RPS6KC1: variants seen among roughly 807,000 people sequenced by gnomAD.
RPS6KC1 encodes inactive ribosomal protein S6 kinase delta-1.
Under a neutral mutation model 103.8 loss-of-function variants are expected in RPS6KC1, and 54 were observed. That is an observed-to-expected ratio of 0.52 (90% CI 0.42 to 0.65). RPS6KC1 has a LOEUF of 0.65. RPS6KC1 is among the 30% of genes least tolerant of loss of function. RPS6KC1 has a pLI of 0.00. For missense variants in RPS6KC1, 1,151 were observed against 1,253.8 expected (o/e 0.92, Z 1.24); for synonymous variants, 439 against 438.7 (o/e 1.00, Z -0.01).
chr1:213,601,239 G>T, the RPS6KC1 span, among the ~76,000 whole-genome samples: 1 of 151,022 alleles, frequency 6.6e-6, no homozygotes, highest in African/African-American at 2.4e-5. Flanking sequence ...GTGTGGGTGT[G>T]AATATATATA....
chr1:213,332,675 G>C, the RPS6KC1 span, among the ~76,000 whole-genome samples: 1 of 152,168 alleles, frequency 6.6e-6, no homozygotes, highest in Admixed American at 6.5e-5. Context: ...CAGCTGGGTC[G>C]TGGGTTCCTT....
At chr1:213,207,235 G>T (rs1012878184) in intron 8 of RPS6KC1, among the ~76,000 whole-genome samples, 7 of 152,184 alleles carry the variant, frequency 4.6e-5, no homozygotes, top group Non-Finnish European at 8.8e-5. Flanking sequence ...GTCCATTTGT[G>T]GGGGAGATTT....
At chr1:213,651,364 G>A in the RPS6KC1 span, among the ~76,000 whole-genome samples, 4 of 152,124 alleles carry the variant, frequency 2.6e-5, no homozygotes, top group East Asian at 1.9e-4. Flanking sequence ...GGAGAGCCAC[G>A]GTGAATACAA....
chr1:213,126,109 ATTTG>A (rs576600275), intron 5 of RPS6KC1, among the ~76,000 whole-genome samples: 83 of 152,170 alleles, frequency 5.5e-4, no homozygotes, highest in East Asian at 2.9e-3. Context: ...AACCTTATCT[ATTTG>A]TTTATCAGTT....
intron 12 of RPS6KC1, among the ~76,000 whole-genome samples, chr1:213,256,901 T>C (rs1443698453): frequency 6.6e-6 from 1 of 152,208 alleles, no homozygotes; most frequent in Non-Finnish European, 1.5e-5. Flanking sequence ...TTTTTCTGCT[T>C]ATGTACTTGA....
the RPS6KC1 span, among the ~76,000 whole-genome samples, chr1:213,416,852 C>T: frequency 1.3e-5 from 2 of 152,188 alleles, no homozygotes; most frequent in Non-Finnish European, 2.9e-5. Flanking sequence ...ATGGTCATTC[C>T]TAGCCATGGT....
At chr1:213,214,334 T>C (rs1573336664) in intron 8 of RPS6KC1, among the ~76,000 whole-genome samples, 1 of 152,150 alleles carries the variant, frequency 6.6e-6, no homozygotes, top group Admixed American at 6.5e-5. Context: ...GGGGAAGGGG[T>C]GCCCGCCCTT....
At chr1:213,710,229 T>A in the RPS6KC1 span, among the ~76,000 whole-genome samples, 1 of 152,232 alleles carries the variant, frequency 6.6e-6, no homozygotes, top group Non-Finnish European at 1.5e-5. Context: ...TTTAGGATAG[T>A]CAGCTCTTCT....
intron 5 of RPS6KC1, among the ~76,000 whole-genome samples, chr1:213,120,732 C>T (rs1409535024): frequency 6.6e-6 from 1 of 152,080 alleles, no homozygotes; most frequent in Non-Finnish European, 1.5e-5. Flanking sequence ...TGTGAATTAG[C>T]TAGCTGGTGG....
chr1:213,302,216 G>T, the RPS6KC1 span, among the ~76,000 whole-genome samples: 1 of 152,194 alleles, frequency 6.6e-6, no homozygotes, highest in South Asian at 2.1e-4. Context: ...TGTGAAAAAT[G>T]AATATTGCAA....
the RPS6KC1 span, among the ~76,000 whole-genome samples, chr1:213,454,335 T>C: frequency 6.6e-6 from 1 of 152,212 alleles, no homozygotes; most frequent in Admixed American, 6.5e-5. Flanking sequence ...TTAATACTTA[T>C]TTTTAGAGGA....
the RPS6KC1 span, among the ~76,000 whole-genome samples, chr1:213,748,489 C>A: frequency 6.6e-6 from 1 of 152,200 alleles, no homozygotes; most frequent in Non-Finnish European, 1.5e-5. Context: ...TTCTCTTCAG[C>A]CCTCTGATAT....
In RPS6KC1 at chr1:213,198,778, T is replaced by G. The variant is rs1209909717; in HGVS notation, c.1044+22286T>G. Among the ~76,000 whole-genome samples, 9 of 152,060 alleles carry G rather than the reference T, an allele frequency of 5.9e-5. No homozygotes were observed. The East Asian group carries it at 1.7e-3, about 29-fold the overall frequency. On this transcript the variant is annotated intron_variant, in intron 8 of 14. Transcript: ENST00000366960. ...CCAAATGTTTACAGAATAAATTATATCAGTTATCTGCAATCTCTTCTAGAA... is the reference window on the plus strand; with the variant it reads ...CCAAATGTTTACAGAATAAATTATAGCAGTTATCTGCAATCTCTTCTAGAA...
At chr1:213,686,742 A>G in the RPS6KC1 span, among the ~76,000 whole-genome samples, 687 of 152,330 alleles carry the variant, frequency 4.5e-3, 2 homozygotes, top group Non-Finnish European at 6.8e-3. Flanking sequence ...GCAAGTTCAT[A>G]AAGTGAAAGC....
chr1:213,567,066 T>G, the RPS6KC1 span, among the ~76,000 whole-genome samples: 1 of 152,220 alleles, frequency 6.6e-6, no homozygotes, highest in Non-Finnish European at 1.5e-5. Flanking sequence ...TCATTTGTTT[T>G]TATCAGGCAC....
chr1:213,398,679 T>C, the RPS6KC1 span, among the ~76,000 whole-genome samples: 6 of 152,302 alleles, frequency 3.9e-5, no homozygotes, highest in East Asian at 1.2e-3. Context: ...AGAACCAAAT[T>C]GCAGTGCATG....
chr1:213,813,778 G>A, the RPS6KC1 span, among the ~76,000 whole-genome samples: 4 of 152,190 alleles, frequency 2.6e-5, no homozygotes, highest in African/African-American at 9.7e-5. Context: ...CTCTACGAGA[G>A]GAGCAGAGGG....
the RPS6KC1 span, among the ~76,000 whole-genome samples, chr1:213,674,233 G>C: frequency 6.6e-6 from 1 of 152,160 alleles, no homozygotes; most frequent in African/African-American, 2.4e-5. Context: ...TGGCCAGACT[G>C]GTCTTGAACT....
the RPS6KC1 span, among the ~76,000 whole-genome samples, chr1:213,346,033 C>T: frequency 1.3e-5 from 2 of 152,156 alleles, no homozygotes; most frequent in Non-Finnish European, 1.5e-5. Flanking sequence ...ATATACATCC[C>T]ACCCTAATGG....
Sources: allele counts gnomAD v4.1 joint callset (sites outside exome capture counted in the v4.1 genomes callset), GRCh38; gene constraint gnomAD v4.1.1; transcripts MANE v1.5; gene names NCBI Gene and HGNC (gene_info 2026-07-23, HGNC 2026-07-21).